DHRSX: variants seen among roughly 807,000 people sequenced by gnomAD.
DHRSX encodes polyprenol dehydrogenase.
DHRSX carries 31 observed loss-of-function variants against 34.0 expected under a neutral mutation model. The ratio of observed to expected loss-of-function variants is 0.91; its 90% CI spans 0.69 to 1.23. The LOEUF is 1.23. Ranked by LOEUF, DHRSX falls within the 50% of genes most tolerant of loss-of-function variation. The probability of loss-of-function intolerance (pLI) is 0.00; values close to 1 mark genes in which losing one functional copy is unlikely to be tolerated. For missense variants in DHRSX, 414 were observed against 428.1 expected (o/e 0.97, Z 0.29); for synonymous variants, 201 against 183.8 (o/e 1.09, Z -0.76).
At chrX:2,253,587 A>G (rs2016493834) in intron 5 of DHRSX, among the ~76,000 whole-genome samples, 2 of 152,268 alleles carry the variant, frequency 1.3e-5, no homozygotes, top group African/African-American at 2.4e-5. Flanking sequence ...GAGACTGCCA[A>G]AAAACAAAAT....
At chrX:2,283,056 G>C (rs1049982958) in intron 4 of DHRSX, among the ~76,000 whole-genome samples, 5 of 151,582 alleles carry the variant, frequency 3.3e-5, no homozygotes, top group African/African-American at 7.3e-5. Flanking sequence ...GAGACAGAGA[G>C]TTACAGAAAG....
chrX:2,398,032 A>G (rs902566419), intron 3 of DHRSX, among the ~76,000 whole-genome samples: 3 of 152,048 alleles, frequency 2.0e-5, no homozygotes, highest in South Asian at 2.1e-4. Context: ...ACATAGATAC[A>G]TATGCCAACA....
intron 5 of DHRSX, among the ~76,000 whole-genome samples, chrX:2,259,177 G>A (rs1313865751): frequency 1.3e-5 from 2 of 151,916 alleles, no homozygotes; most frequent in Non-Finnish European, 2.9e-5. Flanking sequence ...GGAGGCTGAG[G>A]CAGGAGAATC....
At chrX:2,338,328 G>C (rs1246648231) in intron 3 of DHRSX, among the ~76,000 whole-genome samples, 1 of 151,478 alleles carries the variant, frequency 6.6e-6, no homozygotes, top group African/African-American at 2.4e-5. Context: ...GCGAGACTCT[G>C]TTTCAAAAAA....
At chrX:2,362,934 C>T (rs1276942806) in intron 3 of DHRSX, among the ~76,000 whole-genome samples, 7 of 103,930 alleles carry the variant, frequency 6.7e-5, no homozygotes, top group Non-Finnish European at 1.3e-4. Flanking sequence ...ATTTTATCAC[C>T]GTTCTATGGT....
At chrX:2,313,004 A>T (rs775495994) in intron 3 of DHRSX, among the ~76,000 whole-genome samples, 4,883 of 105,220 alleles carry the variant, frequency 0.046, 246 homozygotes, top group African/African-American at 0.18. Flanking sequence ...TTCAAGATAT[A>T]TATTTTTTTT....
intron 3 of DHRSX, among the ~76,000 whole-genome samples, chrX:2,349,260 GATGA>G (rs1444870993): frequency 6.6e-5 from 10 of 152,042 alleles, no homozygotes; most frequent in African/African-American, 2.4e-4. Flanking sequence ...GCGTTCAATA[GATGA>G]ATGGATGAAG....
At chrX:2,489,606 C>T (rs1422540072) in intron 1 of DHRSX, 1 of 1,612,624 alleles carries the variant, frequency 6.2e-7, no homozygotes, top group Non-Finnish European at 8.5e-7. Context: ...AAGACCCCGG[C>T]GATGACGAAC....
At chrX:2,348,440 G>A (rs1158861239) in intron 3 of DHRSX, among the ~76,000 whole-genome samples, 1 of 152,132 alleles carries the variant, frequency 6.6e-6, no homozygotes, top group Non-Finnish European at 1.5e-5. Flanking sequence ...TCTGAGGCGT[G>A]CGCTCCTATT....
At chrX:2,224,679 C>G (rs1355223689) in intron 6 of DHRSX, among the ~76,000 whole-genome samples, 3 of 152,082 alleles carry the variant, frequency 2.0e-5, no homozygotes, top group East Asian at 3.9e-4. Flanking sequence ...CGTATGTACT[C>G]ACATGCACAC....
At chrX:2,385,854 A>T (rs1038649204) in intron 3 of DHRSX, among the ~76,000 whole-genome samples, 33 of 152,176 alleles carry the variant, frequency 2.2e-4, no homozygotes, top group Admixed American at 5.9e-4. Flanking sequence ...CGGTTTACTC[A>T]GACACAGGTT....
At chrX:2,239,725 C>T (rs1285160175) in intron 6 of DHRSX, among the ~76,000 whole-genome samples, 17 of 151,786 alleles carry the variant, frequency 1.1e-4, no homozygotes, top group Non-Finnish European at 2.2e-4. Flanking sequence ...GCTGAGATCG[C>T]GCCAACGCAC....
chrX:2,402,954 C>G (rs1230569441), intron 3 of DHRSX, among the ~76,000 whole-genome samples: 1 of 146,980 alleles, frequency 6.8e-6, no homozygotes, highest in African/African-American at 2.6e-5. Flanking sequence ...ACAATCTCAG[C>G]TCACAGCAAC....
chrX:2,302,110 A>G (rs1312216722), intron 3 of DHRSX, among the ~76,000 whole-genome samples: 1 of 152,150 alleles, frequency 6.6e-6, no homozygotes. Context: ...CACTTTAAAT[A>G]ACACAACATC....
At chrX:2,375,926 C>T (rs35241437) in intron 3 of DHRSX, among the ~76,000 whole-genome samples, 9,977 of 136,314 alleles carry the variant, frequency 0.073, 2,513 homozygotes, top group Non-Finnish European at 0.13. Flanking sequence ...CCACTGCACC[C>T]GGCCGGCTCA....
intron 3 of DHRSX, among the ~76,000 whole-genome samples, chrX:2,326,843 C>T (rs374870415): frequency 6.7e-6 from 1 of 150,100 alleles, no homozygotes; most frequent in South Asian, 2.1e-4. Context: ...CAGATTTTCA[C>T]TCTTGTTGCC....
At chrX:2,369,046 GGT>G (rs1372481849) in intron 3 of DHRSX, among the ~76,000 whole-genome samples, 5 of 152,084 alleles carry the variant, frequency 3.3e-5, no homozygotes, top group Non-Finnish European at 1.5e-5. Flanking sequence ...TGATTTTCAG[GGT>G]GTCTCATTTC....
At chrX:2,412,228 T>C (rs1257818435) in intron 2 of DHRSX, among the ~76,000 whole-genome samples, 4 of 152,190 alleles carry the variant, frequency 2.6e-5, no homozygotes, top group Admixed American at 1.3e-4. Context: ...ACATGTTATA[T>C]GTGCAATGGA....
At chrX:2,406,023 G>A (rs1272249280) in intron 3 of DHRSX, among the ~76,000 whole-genome samples, 3 of 152,172 alleles carry the variant, frequency 2.0e-5, no homozygotes, top group African/African-American at 7.2e-5. Context: ...GCCGGGTGCA[G>A]TGGCTCACGC....
Sources: allele counts gnomAD v4.1 joint callset (sites outside exome capture counted in the v4.1 genomes callset), GRCh38; gene constraint gnomAD v4.1.1; transcripts MANE v1.5; gene names NCBI Gene and HGNC (gene_info 2026-07-23, HGNC 2026-07-21).